Variants in SOCS7 observed in about 807,000 individuals in gnomAD.
SOCS7 encodes suppressor of cytokine signaling 7, also known as NAP-4.
Under a neutral mutation model 58.9 loss-of-function variants are expected in SOCS7, and 18 were observed. The ratio of observed to expected loss-of-function variants is 0.31; its 90% confidence interval spans 0.21 to 0.45. SOCS7 has a LOEUF of 0.45. Among genes scored for constraint, SOCS7 ranks in the 20% least tolerant of loss-of-function variants. SOCS7 has a pLI of 1.00. For synonymous variants in SOCS7, 388 were observed against 364.3 expected (o/e 1.06, Z -0.74); for missense variants, 667 against 837.3 (o/e 0.80, Z 2.51).
chr17:38,394,159 C>T (rs1464458354), intron 7 of SOCS7, among the ~76,000 whole-genome samples: 3 of 152,130 alleles, frequency 2.0e-5, no homozygotes, highest in East Asian at 1.9e-4. Context: ...CATGCTGTGG[C>T]GTGGGGCCCT....
At chr17:38,388,309 A>AAGTC (rs1597708360) in intron 7 of SOCS7, among the ~76,000 whole-genome samples, 1 of 152,052 alleles carries the variant, frequency 6.6e-6, no homozygotes, top group Non-Finnish European at 1.5e-5. Flanking sequence ...CTAGGGGTTC[A>AAGTC]AGTCCAGCCT....
intron 1 of SOCS7, 41 bp from the exon 2 acceptor site, chr17:38,361,670 A>G (rs751103727): frequency 1.3e-6 from 2 of 1,502,470 alleles, no homozygotes; most frequent in Non-Finnish European, 1.9e-6. Context: ...ATATGTGTTC[A>G]TTTCTCCCCT....
intron 1 of SOCS7, among the ~76,000 whole-genome samples, chr17:38,358,287 G>A (rs1333839464): frequency 6.6e-6 from 1 of 152,216 alleles, no homozygotes; most frequent in African/African-American, 2.4e-5. Context: ...ATGTAGTATA[G>A]AGGGTTAGTT....
Position 38,400,088 on chromosome 17 carries a change from T to C in SOCS7, c.*606T>C, listed in dbSNP as rs1314329594. On this transcript the variant is annotated 3_prime_UTR_variant, in exon 10 of 10. Transcript: ENST00000612932. ...AGGGTGGGTGGTCTCGAAAAGAATA[T>C]TGGGCAAAACCTAGCCAATTGGCCT... 3 of 152,254 alleles carry C rather than the reference T, an allele frequency of 2.0e-5. No individual in the cohort carries two copies. Among genetic ancestry groups the C allele is most frequent in the East Asian group, 1.9e-4 (1 of 5,172 alleles). The allele number at this position is 152,254 out of a possible 1,614,324, so 9.4% of individuals were successfully genotyped here. A position where few individuals can be genotyped will look rare whatever the true frequency, so the allele number is the denominator to read the frequency against.
Position 38,352,725 on chromosome 17 carries a change from C to G in SOCS7, c.673C>G (p.Pro225Ala). The G allele has an allele frequency of 6.5e-7, 1 of 1,549,990 alleles. No individual in the cohort carries two copies. Among genetic ancestry groups the G allele is most frequent in the Non-Finnish European group, 8.7e-7 (1 of 1,146,918 alleles). ...GCAGCCCCCAGGCCCTGAATTACCT[C>G]CGGTGCCCTTCCCGCTGCAGGACTT... ...LLQPPGPELP[P>A]VPFPLQDLVP... The change falls in exon 1 of 10, where the codon CCG (proline) becomes GCG (alanine). Residue 225 changes from proline (P) to alanine (A), a missense_variant. Around this residue, in one of 9 missense-constraint regions of SOCS7, gnomAD observed 208 missense variants for 190.3 expected, o/e 1.09. Transcript: ENST00000612932. This position sits in a 1 kb window ranked among gnomAD's most constrained non-coding sequence, Gnocchi z 5.5.
chr17:38,390,033 C>T lies in SOCS7; in HGVS notation c.1682-5276C>T, dbSNP rs143031682. Among the ~76,000 whole-genome samples the T allele has an allele frequency of 8.4e-4, 126 of 149,212 alleles. 1 individual carries two copies. Among genetic ancestry groups the T allele is most frequent in the African/African-American group, 3.0e-3 (124 of 40,678 alleles). On this transcript the variant is annotated intron_variant, in intron 7 of 9. Coordinates refer to ENST00000612932, the MANE Select transcript of SOCS7 (RefSeq NM_014598.4). The stretch of plus-strand genomic sequence containing the variant: ...GCCTCCTGGCCTTAAGTGATCCTCC[C>T]ACCTCAGCCTCTCAAAGTTCTGGGA...
intron 7 of SOCS7, among the ~76,000 whole-genome samples, chr17:38,388,582 A>G (rs4316804): frequency 0.18 from 27,351 of 152,106 alleles, 3,520 homozygotes; most frequent in African/African-American, 0.36. Context: ...TTGTACAACA[A>G]TCACCACAAT....
intron 7 of SOCS7, among the ~76,000 whole-genome samples, chr17:38,382,000 C>G (rs1382413256): frequency 6.8e-6 from 1 of 146,618 alleles, no homozygotes; most frequent in African/African-American, 2.5e-5. Flanking sequence ...CCCCTAACAC[C>G]AGACAGCAGT....
intron 9 of SOCS7, among the ~76,000 whole-genome samples, chr17:38,398,241 C>CT (rs990311481): frequency 0.056 from 7,270 of 129,374 alleles, 256 homozygotes; most frequent in Middle Eastern, 0.2. Flanking sequence ...AGGGAAAGGT[C>CT]TTTTTTTTTT....
chr17:38,371,816 TGA>T (rs1402250741), intron 6 of SOCS7, among the ~76,000 whole-genome samples: 2 of 151,074 alleles, frequency 1.3e-5, no homozygotes, highest in Non-Finnish European at 2.9e-5. Context: ...TTCAGTTTTT[TGA>T]GTTTTTTCTT....
chr17:38,384,494 A>G (rs944047493), intron 7 of SOCS7, among the ~76,000 whole-genome samples: 3 of 151,868 alleles, frequency 2.0e-5, no homozygotes, highest in African/African-American at 7.3e-5. Flanking sequence ...AGGTGTTTCT[A>G]TGTTGCACAG....
chr17:38,397,692 T>C (rs1422487619), intron 9 of SOCS7, among the ~76,000 whole-genome samples: 2 of 152,228 alleles, frequency 1.3e-5, no homozygotes, highest in Non-Finnish European at 2.9e-5. Flanking sequence ...CCAGTATGAA[T>C]TGAGAATAGA....
intron 1 of SOCS7, among the ~76,000 whole-genome samples, chr17:38,353,518 ACACCTCTATT>A (rs2144303929): frequency 6.6e-6 from 1 of 152,350 alleles, no homozygotes; most frequent in African/African-American, 2.4e-5. Flanking sequence ...AATCAATTGG[ACACCTCTATT>A]CAAAGTTTTA....
intron 7 of SOCS7, among the ~76,000 whole-genome samples, chr17:38,389,900 C>CATATATATATGTATATATGT (rs1263290062): frequency 5.0e-5 from 1 of 20,184 alleles, no homozygotes; most frequent in African/African-American, 1.6e-4. Context: ...TATATATATA[C>CATATATATATGTATATATGT]ACATATAGAG....
At chr17:38,363,783 T>C (rs2144329561) in intron 2 of SOCS7, among the ~76,000 whole-genome samples, 1 of 152,092 alleles carries the variant, frequency 6.6e-6, no homozygotes, top group Admixed American at 6.6e-5. Flanking sequence ...ACATTTAAAA[T>C]ACTAGCTGAG....
At chr17:38,372,976 C>A (rs970763123) in intron 6 of SOCS7, among the ~76,000 whole-genome samples, 6 of 152,016 alleles carry the variant, frequency 3.9e-5, no homozygotes, top group Non-Finnish European at 8.8e-5. Flanking sequence ...TGTGGTGGCG[C>A]ATGCCTATAA....
intron 6 of SOCS7, among the ~76,000 whole-genome samples, chr17:38,372,740 C>T (rs542821622): frequency 1.2e-4 from 18 of 152,256 alleles, no homozygotes; most frequent in African/African-American, 4.3e-4. Context: ...TCAGTTTGTA[C>T]ATAGTTTGAG....
intron 7 of SOCS7, among the ~76,000 whole-genome samples, chr17:38,385,227 T>A (rs2144376689): frequency 6.6e-6 from 1 of 152,034 alleles, no homozygotes; most frequent in South Asian, 2.1e-4. Context: ...GTTTTCTTCC[T>A]CCATTTCTTT....
At chr17:38,396,123 T>A in intron 9 of SOCS7, 125 bp downstream of exon 9, 1 of 761,970 alleles carries the variant, frequency 1.3e-6, no homozygotes, top group Non-Finnish European at 2.0e-6. Context: ...CATTTGCCCA[T>A]AGAATGACAA....
Sources: allele counts gnomAD v4.1 joint callset (sites outside exome capture counted in the v4.1 genomes callset), GRCh38; gene constraint gnomAD v4.1.1; regional missense constraint gnomAD v4.1.1; non-coding constraint Gnocchi (gnomAD v3.1); transcripts MANE v1.5; gene names NCBI Gene and HGNC (gene_info 2026-07-23, HGNC 2026-07-21).